Variants in PEMT observed in about 807,000 individuals in gnomAD.
PEMT encodes phospholipid methyltransferase.
In PEMT, 23 loss-of-function variants were observed where a neutral mutation model predicts 27.4. The observed-to-expected ratio is 0.84, with a 90% CI of 0.60 to 1.19. The LOEUF (loss-of-function observed/expected upper bound fraction) is 1.19, where lower values mean the gene tolerates loss of function less well. Ranked by LOEUF, PEMT falls within the 50% of genes most tolerant of loss-of-function variation. The probability of loss-of-function intolerance (pLI) is 0.00; values close to 1 mark genes in which losing one functional copy is unlikely to be tolerated. For missense variants in PEMT, 307 were observed against 310.1 expected (o/e 0.99, Z 0.07); for synonymous variants, 137 against 139.1 (o/e 0.98, Z 0.11).
intron 2 of PEMT, among the ~76,000 whole-genome samples, chr17:17,533,734 CTT>C (rs35298651): frequency 1.2e-3 from 172 of 145,680 alleles, no homozygotes; most frequent in African/African-American, 1.2e-3. Context: ...CAGTGTCTCT[CTT>C]TTTTTTTTTT....
At chr17:17,574,813 T>C (rs911481730) in intron 2 of PEMT, among the ~76,000 whole-genome samples, 3 of 152,148 alleles carry the variant, frequency 2.0e-5, no homozygotes, top group African/African-American at 7.2e-5. Flanking sequence ...GAGACCCATA[T>C]GTACCTCAAT....
At chr17:17,565,883 TG>T (rs1157975217) in intron 2 of PEMT, among the ~76,000 whole-genome samples, 2 of 152,254 alleles carry the variant, frequency 1.3e-5, no homozygotes, top group Non-Finnish European at 2.9e-5. Flanking sequence ...GAGGCAGGCC[TG>T]GGTGTTTCCA....
Position 17,591,577 on chromosome 17 carries a change from G to A in PEMT, c.50C>T (p.Ala17Val). The change falls in exon 1 of 7, where the codon GCA (alanine) becomes GTA (valine). Residue 17 changes from alanine (A) to valine (V), a missense_variant. Ala to Val is a moderately conservative substitution (Grantham distance 64, BLOSUM62 0). Coordinates refer to ENST00000255389, the MANE Select transcript of PEMT (RefSeq NM_148172.3). ...GAGGCCTCCGCAGCAGTCAGGCCCT[G>A]CCACCGAGCTGTTCGTTACCTCGGC... is the stretch of plus-strand genomic sequence containing the variant. ...PGAEVTNSSV[A>V]GPDCCGGLGN... is the part of the protein sequence containing the mutation. 6.2e-7 allele frequency: 1 copy of A among 1,613,782 alleles called. No homozygotes were observed. Among genetic ancestry groups the A allele is most frequent in the Non-Finnish European group, 8.5e-7 (1 of 1,179,830 alleles).
intron 2 of PEMT, among the ~76,000 whole-genome samples, chr17:17,555,679 G>A (rs1182687789): frequency 6.6e-6 from 1 of 152,194 alleles, no homozygotes; most frequent in East Asian, 1.9e-4. Flanking sequence ...CATCGGCTCT[G>A]ACCACGGCCC....
chr17:17,563,099 G>A (rs1910603685), intron 2 of PEMT, among the ~76,000 whole-genome samples: 1 of 152,240 alleles, frequency 6.6e-6, no homozygotes, highest in South Asian at 2.1e-4. Context: ...TCCAAGATCT[G>A]TCTCAGCAGC....
At chr17:17,531,620 G>GAAA in intron 2 of PEMT, among the ~76,000 whole-genome samples, 1 of 20,472 alleles carries the variant, frequency 4.9e-5, no homozygotes, top group Non-Finnish European at 8.3e-5. Context: ...GCTATCATAT[G>GAAA]CAAAAAAAAA....
chr17:17,547,622 C>T (rs1009975356), intron 2 of PEMT, among the ~76,000 whole-genome samples: 4 of 152,146 alleles, frequency 2.6e-5, no homozygotes, highest in African/African-American at 4.8e-5. Flanking sequence ...CTCCCCCAGC[C>T]CTGCCTGTGT....
intron 1 of PEMT, among the ~76,000 whole-genome samples, chr17:17,588,803 C>G (rs1912453486): frequency 6.6e-6 from 1 of 152,250 alleles, no homozygotes; most frequent in African/African-American, 2.4e-5. Context: ...TCTCATCCAT[C>G]TGCCACCCCA....
intron 5 of PEMT, among the ~76,000 whole-genome samples, 186 bp from the exon 6 acceptor site, chr17:17,506,487 C>T (rs1056431339): frequency 2.0e-5 from 3 of 152,222 alleles, no homozygotes; most frequent in Non-Finnish European, 4.4e-5. Context: ...GGACCAGGGT[C>T]CCCATGTTCT....
chr17:17,521,528 G>C (rs1404054478), intron 3 of PEMT, among the ~76,000 whole-genome samples: 1 of 151,976 alleles, frequency 6.6e-6, no homozygotes, highest in African/African-American at 2.4e-5. Context: ...GAAGGTGCCT[G>C]TCCCAAGTCC....
intron 5 of PEMT, chr17:17,508,362 C>T (rs1488774913): frequency 5.8e-5 from 8 of 137,472 alleles, no homozygotes; most frequent in Admixed American, 5.1e-4. Context: ...CTGGCCTGGA[C>T]GTGGGGTGGG....
intron 2 of PEMT, among the ~76,000 whole-genome samples, chr17:17,548,667 G>C (rs1241561017): frequency 6.6e-6 from 1 of 152,180 alleles, no homozygotes; most frequent in Non-Finnish European, 1.5e-5. Context: ...TCCTGCCTCA[G>C]CCTCCTGAGT....
intron 2 of PEMT, among the ~76,000 whole-genome samples, chr17:17,546,752 G>A (rs2142626088): frequency 6.6e-6 from 1 of 152,360 alleles, no homozygotes; most frequent in East Asian, 1.9e-4. Context: ...AGCCCAACAG[G>A]GCTTGCAATT....
chr17:17,544,686 C>T (rs1395962742), intron 2 of PEMT, among the ~76,000 whole-genome samples: 14 of 152,180 alleles, frequency 9.2e-5, no homozygotes, highest in Non-Finnish European at 5.9e-5. Context: ...ACATCTGAAC[C>T]AGCTCTGGCT....
chr17:17,586,256 G>GAAAGAAAGAAAT (rs1235397992), intron 1 of PEMT, among the ~76,000 whole-genome samples: 4 of 104,332 alleles, frequency 3.8e-5, no homozygotes, highest in Non-Finnish European at 7.5e-5. Flanking sequence ...AAGAAAGAAA[G>GAAAGAAAGAAAT]AAAGAAAGAA....
chr17:17,583,702 C>T (rs1319439624), intron 1 of PEMT, among the ~76,000 whole-genome samples: 2 of 152,262 alleles, frequency 1.3e-5, no homozygotes, highest in South Asian at 4.1e-4. Flanking sequence ...AGGGCCGAGG[C>T]TGGCGGCCCC....
intron 2 of PEMT, among the ~76,000 whole-genome samples, chr17:17,544,604 C>T (rs376502275): frequency 6.6e-6 from 1 of 152,168 alleles, no homozygotes; most frequent in Admixed American, 6.5e-5. Flanking sequence ...CCCACTGCCC[C>T]GATTCACTGC....
At position 17,527,782 on chromosome 17, in the gene PEMT, C is replaced by T. The variant is rs575644140; in HGVS notation, c.205-5387G>A. ...AGAAAGTCTGTTGTGAAGCAGTGTCCCCAGGGAGAGGACAGGCAGACAGAC... is the reference window on the plus strand; with the variant it reads ...AGAAAGTCTGTTGTGAAGCAGTGTCTCCAGGGAGAGGACAGGCAGACAGAC... On this transcript the variant is annotated intron_variant, in intron 2 of 6. Coordinates refer to ENST00000255389, the MANE Select transcript of PEMT (RefSeq NM_148172.3). Among the ~76,000 whole-genome samples, 19 of 152,316 alleles carry T rather than the reference C, an allele frequency of 1.2e-4. No homozygotes were observed. In the South Asian group the frequency reaches 3.9e-3, roughly 32 times the overall value.
Position 17,506,269 on chromosome 17 carries a change from A to G in PEMT, c.611T>C (p.Val204Ala). 6.3e-7 allele frequency: 1 copy of G among 1,586,298 alleles called. No homozygotes were observed. The highest frequency in any genetic ancestry group is 8.6e-7 in the Non-Finnish European group (1 of 1,165,610). Residue 204 changes from valine (V) to alanine (A), a missense_variant, in exon 6 of 7, where the codon GTG (valine) becomes GCG (alanine). Coordinates refer to ENST00000255389, the MANE Select transcript of PEMT (RefSeq NM_148172.3). ...HASPTGLLLT[V>A]LVALTYIVAL... ...CACTATGTAGGTGAGGGCCACCAGCACCGTCAGGAGCAGGCCCGTGGGGCT... is the reference window on the plus strand; with the variant it reads ...CACTATGTAGGTGAGGGCCACCAGCGCCGTCAGGAGCAGGCCCGTGGGGCT...
Sources: allele counts gnomAD v4.1 joint callset (sites outside exome capture counted in the v4.1 genomes callset), GRCh38; gene constraint gnomAD v4.1.1; transcripts MANE v1.5; gene names NCBI Gene and HGNC (gene_info 2026-07-23, HGNC 2026-07-21).